Variants in HS3ST5 observed in about 807,000 individuals in gnomAD.
The protein encoded by HS3ST5 is heparan sulfate-glucosamine 3-sulfotransferase 5.
HS3ST5 carries 10 observed loss-of-function variants against 25.4 expected under a neutral mutation model. The observed-to-expected ratio is 0.39, with a 90% CI of 0.24 to 0.67. The LOEUF is 0.67. HS3ST5 is among the 30% of genes least tolerant of loss of function. The pLI is 0.44. For synonymous variants in HS3ST5, 170 were observed against 162.4 expected (o/e 1.05, Z -0.36); for missense variants, 324 against 420.7 (o/e 0.77, Z 2.01).
intron 2 of HS3ST5, among the ~76,000 whole-genome samples, chr6:114,189,465 A>T (rs2114288094): frequency 1.3e-5 from 2 of 152,246 alleles, no homozygotes; most frequent in South Asian, 4.1e-4. Flanking sequence ...CATTAAAAAA[A>T]ATCTCATACT....
intron 4 of HS3ST5, among the ~76,000 whole-genome samples, chr6:114,060,355 A>G (rs1773037115): frequency 6.6e-6 from 1 of 152,220 alleles, no homozygotes; most frequent in Non-Finnish European, 1.5e-5. Flanking sequence ...TTAATAGTTT[A>G]GAGAAACATG....
At chr6:114,319,910 C>T (rs1440913238) in intron 1 of HS3ST5, among the ~76,000 whole-genome samples, 1 of 151,942 alleles carries the variant, frequency 6.6e-6, no homozygotes, top group African/African-American at 2.4e-5. Flanking sequence ...GGCGTAGAGC[C>T]TCATTGCCTC....
At chr6:114,122,617 G>T (rs1337593358) in intron 3 of HS3ST5, among the ~76,000 whole-genome samples, 1 of 152,120 alleles carries the variant, frequency 6.6e-6, no homozygotes, top group Non-Finnish European at 1.5e-5. Context: ...TTCAAGATTG[G>T]AAGAGAATAA....
rs1467910283 is a variant in HS3ST5 at position 114,146,772 on chromosome 6, G to T, written c.-33+21579C>A. Among the ~76,000 whole-genome samples, 3 of 152,084 alleles carry T rather than the reference G, an allele frequency of 2.0e-5. No individual in the cohort carries two copies. In the East Asian group the frequency reaches 5.8e-4, roughly 29 times the overall value. ...TGATTTGGTCATTTAAAAGTGTATG[G>T]CACCTTCCCCCATTCCCTCACTCCT... On this transcript the variant is annotated intron_variant, in intron 3 of 4. Transcript: ENST00000312719.
At chr6:114,087,753 G>A (rs752616177) in intron 3 of HS3ST5, among the ~76,000 whole-genome samples, 1 of 152,048 alleles carries the variant, frequency 6.6e-6, no homozygotes, top group Non-Finnish European at 1.5e-5. Context: ...CCTGTGAGTC[G>A]ACCACCATGC....
At chr6:114,216,661 CT>C (rs528612866) in intron 2 of HS3ST5, among the ~76,000 whole-genome samples, 17 of 139,154 alleles carry the variant, frequency 1.2e-4, no homozygotes, top group Non-Finnish European at 2.0e-4. Flanking sequence ...TTCTGATGAA[CT>C]TCTTATTCTG....
At chr6:114,174,625 C>T (rs896554307) in intron 2 of HS3ST5, among the ~76,000 whole-genome samples, 9 of 152,082 alleles carry the variant, frequency 5.9e-5, no homozygotes, top group Non-Finnish European at 1.3e-4. Flanking sequence ...CTAATGTTCC[C>T]ATTTGGTTAT....
chr6:114,229,952 G>A (rs1020862113), intron 1 of HS3ST5, among the ~76,000 whole-genome samples: 13 of 152,086 alleles, frequency 8.5e-5, no homozygotes, highest in African/African-American at 2.7e-4. Flanking sequence ...TTCAGTTGTC[G>A]TTTCTTGCTG....
intron 3 of HS3ST5, among the ~76,000 whole-genome samples, chr6:114,068,959 G>A (rs7753206): frequency 6.6e-6 from 1 of 152,048 alleles, no homozygotes; most frequent in Non-Finnish European, 1.5e-5. Flanking sequence ...ACGACAAATT[G>A]TAGAGACATC....
chr6:114,145,173 G>T (rs1221500684), intron 3 of HS3ST5, among the ~76,000 whole-genome samples: 1 of 152,140 alleles, frequency 6.6e-6, no homozygotes, highest in African/African-American at 2.4e-5. Flanking sequence ...TACAAGCCCC[G>T]GAGGCAGGGC....
chr6:114,287,775 C>T lies in HS3ST5; in HGVS notation c.-339+54420G>A, dbSNP rs2114763169. On this transcript the variant is annotated intron_variant, in intron 1 of 4. Transcript: ENST00000312719. The stretch of plus-strand genomic sequence containing the variant: ...TACCATAGCAGAACCGACCAATGGT[C>T]TGATCATTCCAATATCCTATTTCTG... Among the ~76,000 whole-genome samples, 2 of 152,118 alleles carry T rather than the reference C, an allele frequency of 1.3e-5. 1 individual carries two copies. The highest frequency in any genetic ancestry group is 4.8e-5 in the African/African-American group (2 of 41,504).
chr6:114,120,768 C>T (rs1292435204), intron 3 of HS3ST5, among the ~76,000 whole-genome samples: 3 of 152,160 alleles, frequency 2.0e-5, no homozygotes, highest in Admixed American at 1.3e-4. Flanking sequence ...TCTAAAAATA[C>T]AAGCAGCGAT....
At chr6:114,154,513 A>T (rs1459216115) in intron 3 of HS3ST5, among the ~76,000 whole-genome samples, 4 of 151,998 alleles carry the variant, frequency 2.6e-5, no homozygotes, top group Non-Finnish European at 4.4e-5. Flanking sequence ...AAATCAGTTT[A>T]AAAAAAAGAC....
intron 1 of HS3ST5, among the ~76,000 whole-genome samples, chr6:114,259,026 C>T (rs1043783418): frequency 5.9e-5 from 9 of 152,164 alleles, no homozygotes; most frequent in African/African-American, 1.9e-4. Context: ...TTGTATAAGA[C>T]ATGCATGGGC....
At chr6:114,081,567 G>C (rs2114764331) in intron 3 of HS3ST5, among the ~76,000 whole-genome samples, 1 of 152,292 alleles carries the variant, frequency 6.6e-6, no homozygotes, top group East Asian at 1.9e-4. Flanking sequence ...AAAATATCAT[G>C]CTGGGATGAG....
At chr6:114,094,330 A>G (rs984044412) in intron 3 of HS3ST5, among the ~76,000 whole-genome samples, 2 of 152,214 alleles carry the variant, frequency 1.3e-5, no homozygotes, top group Non-Finnish European at 2.9e-5. Context: ...TTCACAGTGG[A>G]TAGGAAAGCA....
intron 3 of HS3ST5, among the ~76,000 whole-genome samples, chr6:114,092,832 T>C (rs1366121024): frequency 6.6e-6 from 1 of 151,892 alleles, no homozygotes; most frequent in Non-Finnish European, 1.5e-5. Context: ...CATACCACTA[T>C]ACCCTGCTAA....
Position 114,058,006 on chromosome 6 carries a change from C to A in HS3ST5, c.292G>T (p.Val98Leu). 1 of 1,614,210 alleles carries A rather than the reference C, an allele frequency of 6.2e-7. No homozygotes were observed. Among genetic ancestry groups the A allele is most frequent in the Non-Finnish European group, 8.5e-7 (1 of 1,180,042 alleles). The change falls in exon 5 of 5, where the codon GTG becomes TTG. Residue 98 changes from valine (V) to leucine (L), a missense_variant. By Grantham distance (32) the Val-to-Leu change is conservative (BLOSUM62 1). Around this residue, in one of 2 missense-constraint regions of HS3ST5, gnomAD observed 203 missense variants for 303.4 expected, o/e 0.67. Transcript: ENST00000312719. ...AGGGCCCTTGTGCCTCCTTTCCTCACCCCAATGATAATGGCCTTGGGGAGC... is the reference window on the plus strand; with the variant it reads ...AGGGCCCTTGTGCCTCCTTTCCTCAACCCAATGATAATGGCCTTGGGGAGC... ...QQLPKAIIIG[V>L]RKGGTRALLE...
At chr6:114,333,343 A>C (rs895264597) in intron 1 of HS3ST5, among the ~76,000 whole-genome samples, 4 of 152,200 alleles carry the variant, frequency 2.6e-5, no homozygotes, top group Admixed American at 2.0e-4. Flanking sequence ...TACTGCCAAT[A>C]CAGAAGAGCA....
Sources: allele counts gnomAD v4.1 joint callset (sites outside exome capture counted in the v4.1 genomes callset), GRCh38; gene constraint gnomAD v4.1.1; regional missense constraint gnomAD v4.1.1; transcripts MANE v1.5; gene names NCBI Gene and HGNC (gene_info 2026-07-23, HGNC 2026-07-21).